Variants in FSHR observed in about 807,000 individuals in gnomAD.
The protein encoded by FSHR is follicle-stimulating hormone receptor.
In FSHR, 46 loss-of-function variants were observed where a neutral mutation model predicts 52.1. The ratio of observed to expected loss-of-function variants is 0.88; its 90% confidence interval spans 0.70 to 1.13. The LOEUF (loss-of-function observed/expected upper bound fraction) is 1.13. Among genes scored for constraint, FSHR ranks in the 50% most tolerant of loss-of-function variants. The pLI, the probability that FSHR is intolerant of heterozygous loss-of-function variation, is 0.00. For synonymous variants in FSHR, 399 were observed against 309.6 expected (o/e 1.29, Z -3.03); for missense variants, 964 against 834.6 (o/e 1.16, Z -1.91).
intron 1 of FSHR, among the ~76,000 whole-genome samples, chr2:49,071,991 C>T (rs1449562355): frequency 6.6e-6 from 1 of 152,050 alleles, no homozygotes; most frequent in African/African-American, 2.4e-5. Context: ...ATGAGATTTG[C>T]AGGAAGGAAA....
intron 1 of FSHR, among the ~76,000 whole-genome samples, chr2:49,090,825 C>G (rs895035131): frequency 6.6e-6 from 1 of 152,084 alleles, no homozygotes; most frequent in Non-Finnish European, 1.5e-5. Context: ...AGTTTTATCA[C>G]ACTGTGGTTT....
intron 1 of FSHR, among the ~76,000 whole-genome samples, chr2:49,081,033 T>A (rs753727418): frequency 9.9e-5 from 15 of 151,980 alleles, no homozygotes; most frequent in Non-Finnish European, 1.9e-4. Context: ...ACAATAAGAG[T>A]TTTATCCACA....
At chr2:49,098,221 C>G (rs1021126839) in intron 1 of FSHR, among the ~76,000 whole-genome samples, 1 of 151,938 alleles carries the variant, frequency 6.6e-6, no homozygotes, top group Non-Finnish European at 1.5e-5. Flanking sequence ...CTGGCAAGTA[C>G]TAAAATACAA....
intron 1 of FSHR, among the ~76,000 whole-genome samples, chr2:49,087,360 G>A (rs1408058458): frequency 6.6e-6 from 1 of 152,076 alleles, no homozygotes; most frequent in Admixed American, 6.6e-5. Context: ...AAGAAAGCCA[G>A]AGAGGGGAGT....
intron 1 of FSHR, among the ~76,000 whole-genome samples, chr2:49,126,379 A>G (rs1378061426): frequency 6.6e-6 from 1 of 152,112 alleles, no homozygotes. Flanking sequence ...GATAACAAAC[A>G]CCATTCCTGC....
intron 2 of FSHR, among the ~76,000 whole-genome samples, chr2:49,044,916 A>G (rs1159054492): frequency 2.6e-5 from 4 of 152,182 alleles, no homozygotes; most frequent in Non-Finnish European, 5.9e-5. Flanking sequence ...TGGGCTCCTG[A>G]AACAGTTGTA....
At chr2:49,031,524 C>A (rs1361363014) in intron 2 of FSHR, among the ~76,000 whole-genome samples, 5 of 152,096 alleles carry the variant, frequency 3.3e-5, no homozygotes, top group African/African-American at 4.8e-5. Flanking sequence ...AATTACATGG[C>A]TAATTAATAA....
At position 49,031,333 on chromosome 2, in the gene FSHR, A is replaced by G. The variant is rs80208292; in HGVS notation, c.225-11173T>C. Among the ~76,000 whole-genome samples the G allele has an allele frequency of 3.2e-3, 480 of 152,286 alleles. 3 individuals carry two copies. Among genetic ancestry groups the G allele is most frequent in the African/African-American group, 0.011 (453 of 41,550 alleles). ...ACTAAAATAATTTCAGGTAATGGGG[A>G]TCCTGTTAGAAAGACACCTTTTAGA... On this transcript the variant is annotated intron_variant, in intron 2 of 9. Transcript: ENST00000406846.
At chr2:49,100,239 A>T in intron 1 of FSHR, among the ~76,000 whole-genome samples, 1 of 152,172 alleles carries the variant, frequency 6.6e-6, no homozygotes, top group Admixed American at 6.6e-5. Context: ...TTCTAGGAAC[A>T]TGCTTGCTCT....
chr2:49,017,659 C>T (rs1667536725), intron 3 of FSHR, 96 bp from the exon 4 acceptor site: 1 of 817,892 alleles, frequency 1.2e-6, no homozygotes, highest in African/African-American at 1.7e-5. Flanking sequence ...TCATTCATCC[C>T]ATCCACTCAT....
Position 48,963,841 on chromosome 2 carries a change from T to G in FSHR, c.980A>C (p.Asp327Ala). ...ATAGTCAAACTCAGTGTACGTCATG[T>G]CAAATCCTCTGCTGTAGCTGGACTC... is the stretch of plus-strand genomic sequence containing the variant. ...DNESSYSRGF[D>A]MTYTEFDYDL... Residue 327 changes from aspartate (D) to alanine (A), a missense_variant, in exon 10 of 10, where the codon GAC (aspartate) becomes GCC (alanine). Asp to Ala is a moderately radical substitution (Grantham distance 126). Coordinates refer to ENST00000406846, the MANE Select transcript of FSHR (RefSeq NM_000145.4). 6.2e-7 allele frequency: 1 copy of G among 1,614,154 alleles called. No homozygotes were observed. The highest frequency in any genetic ancestry group is 2.2e-5 in the East Asian group (1 of 44,876).
chr2:49,004,139 G>T (rs1281849548), intron 4 of FSHR, among the ~76,000 whole-genome samples: 2 of 152,130 alleles, frequency 1.3e-5, no homozygotes, highest in Non-Finnish European at 2.9e-5. Context: ...TCCTTCCCAG[G>T]CCAGCTCTAA....
At chr2:49,052,128 G>C (rs1178453483) in intron 2 of FSHR, among the ~76,000 whole-genome samples, 1 of 152,032 alleles carries the variant, frequency 6.6e-6, no homozygotes, top group Non-Finnish European at 1.5e-5. Context: ...CAAAATATTA[G>C]CAAATCAAAA....
intron 1 of FSHR, among the ~76,000 whole-genome samples, chr2:49,096,090 A>T (rs554357444): frequency 6.6e-6 from 1 of 152,208 alleles, no homozygotes; most frequent in Non-Finnish European, 1.5e-5. Flanking sequence ...TTGAGTTCCC[A>T]TATAATCCAG....
At chr2:48,997,397 A>C (rs1045782809) in intron 4 of FSHR, 15 of 984,858 alleles carry the variant, frequency 1.5e-5, no homozygotes, top group Admixed American at 6.2e-5. Context: ...AACATTTCCT[A>C]GAGGAGAGGT....
At chr2:49,056,992 A>T (rs954510237) in intron 2 of FSHR, among the ~76,000 whole-genome samples, 1 of 152,060 alleles carries the variant, frequency 6.6e-6, no homozygotes, top group Admixed American at 6.6e-5. Flanking sequence ...ACCAAAACCT[A>T]TGGGATGAGC....
chr2:49,143,600 A>G (rs1347894041), intron 1 of FSHR, among the ~76,000 whole-genome samples: 1 of 152,166 alleles, frequency 6.6e-6, no homozygotes, highest in Non-Finnish European at 1.5e-5. Context: ...CTCCACTGAG[A>G]AGACAATAAG....
At chr2:49,082,470 C>T (rs1467791577) in intron 1 of FSHR, among the ~76,000 whole-genome samples, 8 of 152,198 alleles carry the variant, frequency 5.3e-5, no homozygotes, top group Admixed American at 5.2e-4. Flanking sequence ...CAGTTCCTCA[C>T]CAGCAACGGA....
chr2:49,010,883 A>G (rs1214011270), intron 4 of FSHR, among the ~76,000 whole-genome samples: 3 of 152,112 alleles, frequency 2.0e-5, no homozygotes, highest in Non-Finnish European at 4.4e-5. Flanking sequence ...TATCCCCTTT[A>G]TCATTTTTTA....
Sources: gnomAD v4.1 joint callset for allele counts (sites outside exome capture counted in the v4.1 genomes callset) on GRCh38, gnomAD v4.1.1 for gene constraint, MANE v1.5 for transcripts, NCBI Gene and HGNC (gene_info 2026-07-23, HGNC 2026-07-21) for gene names.